ZZEF1: variants seen among roughly 807,000 people sequenced by gnomAD.
ZZEF1 encodes zinc finger ZZ-type and EF-hand domain containing 1.
A neutral mutation model predicts 342.8 loss-of-function variants in ZZEF1; 157 were observed. The observed-to-expected ratio is 0.46, with a 90% confidence interval of 0.40 to 0.52. The LOEUF is 0.52. ZZEF1 is among the 20% of genes least tolerant of loss of function. The pLI, the probability that ZZEF1 is intolerant of heterozygous loss-of-function variation, is 0.00. For synonymous variants in ZZEF1, 1,505 were observed against 1,429.1 expected, an observed-to-expected ratio of 1.05 and a Z score of -1.20; for missense variants, 3,480 against 3,725.6, an observed-to-expected ratio of 0.93 and a Z score of 1.72.
chr17:4,096,334 G>A (rs548553760), intron 10 of ZZEF1, among the ~76,000 whole-genome samples: 7 of 151,440 alleles, frequency 4.6e-5, no homozygotes, highest in Non-Finnish European at 7.4e-5. Context: ...CACCAATGAC[G>A]TGGACTTCTG....
chr17:4,041,594 T>C (rs1035514879), intron 39 of ZZEF1, among the ~76,000 whole-genome samples: 1 of 152,194 alleles, frequency 6.6e-6, no homozygotes, highest in Non-Finnish European at 1.5e-5. Flanking sequence ...ACTGTAAAGA[T>C]TGTCAGCTAT....
At chr17:4,084,273 T>C (rs1254083765) in intron 16 of ZZEF1, among the ~76,000 whole-genome samples, 1 of 151,328 alleles carries the variant, frequency 6.6e-6, no homozygotes, top group East Asian at 1.9e-4. Context: ...TTAATCTTAT[T>C]AAAATATTTT....
intron 42 of ZZEF1, 103 bp downstream of exon 42, chr17:4,032,023 A>G (rs2056560031): frequency 1.5e-6 from 2 of 1,301,944 alleles, no homozygotes; most frequent in African/African-American, 3.0e-5. Context: ...CTTTAAAAAA[A>G]TCACACGCAG....
At chr17:4,114,166 A>T in intron 4 of ZZEF1, 133 bp downstream of exon 4, 1 of 596,756 alleles carries the variant, frequency 1.7e-6, no homozygotes, top group Non-Finnish European at 2.6e-6. Flanking sequence ...AAGCCAGGTT[A>T]CATGATTTTA....
chr17:4,135,660 G>A (rs968439578), intron 1 of ZZEF1, among the ~76,000 whole-genome samples: 8 of 152,106 alleles, frequency 5.3e-5, no homozygotes, highest in African/African-American at 1.9e-4. Context: ...CATCCCTGGG[G>A]CCATTCAGAA....
intron 42 of ZZEF1, among the ~76,000 whole-genome samples, chr17:4,031,373 G>A (rs900724378): frequency 3.6e-5 from 5 of 138,382 alleles, no homozygotes; most frequent in Non-Finnish European, 6.3e-5. Flanking sequence ...TAAAAAAAGT[G>A]TAGTACTGAA....
At chr17:4,031,317 AAAAT>A (rs372245182) in intron 42 of ZZEF1, among the ~76,000 whole-genome samples, 123 of 143,472 alleles carry the variant, frequency 8.6e-4, no homozygotes, top group African/African-American at 1.7e-3. Flanking sequence ...CTTGGTCTCA[AAAAT>A]AAATAAATAA....
chr17:4,067,305 A>G, intron 26 of ZZEF1, 63 bp from the exon 27 acceptor site: 1 of 1,364,842 alleles, frequency 7.3e-7, no homozygotes, highest in Admixed American at 2.0e-5. Flanking sequence ...TGCAACATTA[A>G]GCACAAAAAA....
Position 4,016,169 on chromosome 17 carries a change from A to C in ZZEF1, c.8145+154T>G, listed in dbSNP as rs748163931. 2.0e-5 allele frequency among the ~76,000 whole-genome samples: 3 copies of C among 152,208 alleles called. No homozygotes were observed. Among genetic ancestry groups the C allele is most frequent in the South Asian group, 2.1e-4 (1 of 4,824 alleles). On this transcript the variant is annotated intron_variant, in intron 49 of 54. Coordinates refer to ENST00000381638, the MANE Select transcript of ZZEF1 (RefSeq NM_015113.4). The surrounding 1 kb of genome is among the most constrained non-coding windows in gnomAD (Gnocchi z 4.4). ...CCCTGGCCTCAGGGAGGCAGACTGC[A>C]GTTTGTTCAAGGAAGCACTTTCCTG...
chr17:4,070,808 T>G lies in ZZEF1; in HGVS notation c.3951A>C (p.Ala1317=), dbSNP rs756243880. 6.2e-7 allele frequency: 1 copy of G among 1,614,190 alleles called. No homozygotes were observed. The highest frequency in any genetic ancestry group is 1.1e-5 in the South Asian group (1 of 91,082). Residue 1317 remains alanine (A), a synonymous_variant, in exon 26 of 55, where the codon GCA becomes GCC. Transcript: ENST00000381638. ...CTGTCTTTGGGGCCTGTTTTCTACATGCCTGTATGAATCCTTTGAAAAGTT... is the reference window on the plus strand; with the variant it reads ...CTGTCTTTGGGGCCTGTTTTCTACAGGCCTGTATGAATCCTTTGAAAAGTT... The part of the protein sequence containing the change: ...YSELFKGFIQ[A]CRKQAPKTDI...
At chr17:4,108,082 G>A (rs1427293455) in intron 6 of ZZEF1, among the ~76,000 whole-genome samples, 1 of 152,178 alleles carries the variant, frequency 6.6e-6, no homozygotes, top group Admixed American at 6.5e-5. Flanking sequence ...TTTTGATGAG[G>A]AATACGATAT....
chr17:4,093,350 A>G (rs2727066), intron 11 of ZZEF1, among the ~76,000 whole-genome samples: 143,955 of 152,238 alleles, frequency 0.95, 68,627 homozygotes, highest in East Asian at 1. Context: ...AAATTCATTA[A>G]AGGGCTGAAA....
At chr17:4,134,700 G>C (rs1237877709) in intron 1 of ZZEF1, among the ~76,000 whole-genome samples, 1 of 152,038 alleles carries the variant, frequency 6.6e-6, no homozygotes, top group Non-Finnish European at 1.5e-5. Flanking sequence ...CATATGGTTA[G>C]TACACGATGG....
At chr17:4,040,570 A>G (rs1271475993) in intron 39 of ZZEF1, among the ~76,000 whole-genome samples, 1 of 152,252 alleles carries the variant, frequency 6.6e-6, no homozygotes, top group East Asian at 1.9e-4. Flanking sequence ...CTGTTAATTA[A>G]GAGAGAAATA....
intron 5 of ZZEF1, among the ~76,000 whole-genome samples, chr17:4,110,787 T>C (rs954133573): frequency 8.1e-5 from 12 of 148,328 alleles, no homozygotes; most frequent in Non-Finnish European, 1.8e-4. Flanking sequence ...CAATCTCAGC[T>C]CACTGCAACC....
chr17:4,092,554 G>A (rs955568032), intron 11 of ZZEF1, among the ~76,000 whole-genome samples: 4 of 152,008 alleles, frequency 2.6e-5, no homozygotes, highest in Non-Finnish European at 4.4e-5. Context: ...TGATCCACCC[G>A]CCTCGGCCTT....
At chr17:4,115,306 C>T (rs1376574599) in intron 3 of ZZEF1, among the ~76,000 whole-genome samples, 1 of 152,174 alleles carries the variant, frequency 6.6e-6, no homozygotes, top group Non-Finnish European at 1.5e-5. Context: ...GGATTATAGG[C>T]ATCAACCACC....
rs974566988 is a variant in ZZEF1, at chr17:4,016,249, G to C, written c.8145+74C>G. ...GCCACAGAGGGGCTGAGCATGGAGG[G>C]GCTGAGCACGGAGGGGCTGACGAGG... On this transcript the variant is annotated intron_variant, in intron 49 of 54. Coordinates refer to ENST00000381638, the MANE Select transcript of ZZEF1 (RefSeq NM_015113.4). This position sits in a 1 kb window ranked among gnomAD's most constrained non-coding sequence, Gnocchi z 4.4. 5.1e-5 allele frequency: 77 copies of C among 1,523,348 alleles called. No homozygotes were observed. In the East Asian group the frequency reaches 1.7e-3, roughly 34 times the overall value. 94.4% of individuals were successfully genotyped at this position (1,523,348 alleles called of 1,614,324 possible). A position where few individuals can be genotyped will look rare whatever the true frequency, so the allele number is the denominator to read the frequency against.
chr17:4,057,304 G>C (rs567049090), intron 32 of ZZEF1, among the ~76,000 whole-genome samples: 1 of 152,226 alleles, frequency 6.6e-6, no homozygotes, highest in Non-Finnish European at 1.5e-5. Flanking sequence ...GAACTAAAGA[G>C]ACGGCTCTAA....
Sources: gnomAD v4.1 joint callset for allele counts (sites outside exome capture counted in the v4.1 genomes callset) on GRCh38, gnomAD v4.1.1 for gene constraint, Gnocchi (gnomAD v3.1) non-coding constraint, MANE v1.5 for transcripts, NCBI Gene and HGNC (gene_info 2026-07-23, HGNC 2026-07-21) for gene names.